Variants in SFXN1 observed in about 807,000 individuals in gnomAD.
SFXN1 encodes sideroflexin-1.
Under a neutral mutation model 39.5 loss-of-function variants are expected in SFXN1, and 32 were observed. The observed-to-expected ratio is 0.81, with a 90% confidence interval of 0.61 to 1.09. SFXN1 has a LOEUF of 1.09. SFXN1 is among the 50% of genes least tolerant of loss of function. SFXN1 has a pLI of 0.00. For synonymous variants in SFXN1, 136 were observed against 146.5 expected, an observed-to-expected ratio of 0.93 and a Z score of 0.52; for missense variants, 402 against 407.1, an observed-to-expected ratio of 0.99 and a Z score of 0.11.
At chr5:175,502,761 A>G (rs1760132519) in intron 2 of SFXN1, among the ~76,000 whole-genome samples, 1 of 152,154 alleles carries the variant, frequency 6.6e-6, no homozygotes, top group Non-Finnish European at 1.5e-5. Context: ...GAATCGCTTG[A>G]ACCCGGGAAG....
chr5:175,479,017 C>G (rs1581252521), intron 1 of SFXN1, among the ~76,000 whole-genome samples: 1 of 152,160 alleles, frequency 6.6e-6, no homozygotes, highest in East Asian at 1.9e-4. Context: ...TCGGGGGCAG[C>G]GGCAGCCAGG....
At chr5:175,513,296 T>TAA (rs55761424) in intron 6 of SFXN1, among the ~76,000 whole-genome samples, 167 bp from the exon 7 acceptor site, 9 of 65,274 alleles carry the variant, frequency 1.4e-4, no homozygotes, top group Admixed American at 1.8e-4. Flanking sequence ...AGTGAGACTG[T>TAA]AAAAAAAAAA....
intron 9 of SFXN1, 142 bp from the exon 10 acceptor site, chr5:175,522,233 C>A (rs1359416190): frequency 2.4e-6 from 2 of 843,662 alleles, no homozygotes; most frequent in African/African-American, 1.7e-5. Flanking sequence ...ATAAAACTTA[C>A]ACAAACAGGA....
intron 1 of SFXN1, among the ~76,000 whole-genome samples, chr5:175,487,062 C>G (rs1759475559): frequency 6.6e-6 from 1 of 152,138 alleles, no homozygotes; most frequent in African/African-American, 2.4e-5. Flanking sequence ...CATCACAGAT[C>G]ACCTAGGCCC....
chr5:175,498,529 G>A (rs1759952947), intron 2 of SFXN1, among the ~76,000 whole-genome samples: 1 of 152,072 alleles, frequency 6.6e-6, no homozygotes, highest in African/African-American at 2.4e-5. Flanking sequence ...CATTTTAAAA[G>A]TCTGAAATTA....
At chr5:175,524,639 GAAT>G (rs1363286654) in intron 10 of SFXN1, among the ~76,000 whole-genome samples, 5 of 145,144 alleles carry the variant, frequency 3.4e-5, no homozygotes, top group African/African-American at 5.0e-5. Flanking sequence ...AAGCACAAAA[GAAT>G]AAACATCAGA....
Position 175,526,651 on chromosome 5 carries a change from A to T in SFXN1, c.886A>T (p.Thr296Ser). The change falls in exon 11 of 11, where the codon ACA (threonine) becomes TCA (serine). Residue 296 changes from threonine to serine, a missense_variant. Coordinates refer to ENST00000321442, the MANE Select transcript of SFXN1 (RefSeq NM_022754.7). ...CCCTTATCCCAGTTCCATGTCTGTG[A>T]CAAGCTTGGAGGCCGAGTTGCAAGC... ...LFPQKSSMSV[T>S]SLEAELQAKI... 1 of 1,614,164 alleles carries T rather than the reference A, an allele frequency of 6.2e-7. No homozygotes were observed. Among genetic ancestry groups the T allele is most frequent in the Non-Finnish European group, 8.5e-7 (1 of 1,179,990 alleles).
chr5:175,501,493 T>C (rs1002117639), intron 2 of SFXN1, among the ~76,000 whole-genome samples: 1 of 152,170 alleles, frequency 6.6e-6, no homozygotes, highest in Non-Finnish European at 1.5e-5. Context: ...CAGAAGACAC[T>C]GTTTAGAAAA....
chr5:175,518,568 G>A (rs1434915375), intron 8 of SFXN1, among the ~76,000 whole-genome samples: 2 of 152,156 alleles, frequency 1.3e-5, no homozygotes, highest in African/African-American at 4.8e-5. Flanking sequence ...GAGCGCATAG[G>A]AGGTATCTTA....
At chr5:175,492,045 GTA>G in intron 1 of SFXN1, 48 bp from the exon 2 acceptor site, 1 of 1,413,608 alleles carries the variant, frequency 7.1e-7, no homozygotes, top group Non-Finnish European at 9.6e-7. Flanking sequence ...TTCTAAATAC[GTA>G]GTGACATTGT....
At position 175,529,553 on chromosome 5, in the gene SFXN1, G is replaced by T. The variant is rs2113379937; in HGVS notation, c.*2819G>T. The T allele has an allele frequency of 6.6e-6, 1 of 152,182 alleles. No individual in the cohort carries two copies. The highest frequency in any genetic ancestry group is 6.5e-5 in the Admixed American group (1 of 15,280). 9.4% of individuals were successfully genotyped at this position (152,182 alleles called of 1,614,324 possible). ...GGAGAAAAAAAAATCCACATGAAGT[G>T]CAATAAGCTTATAAAGCTAAGTAGT... On this transcript the variant is annotated 3_prime_UTR_variant, in exon 11 of 11. Coordinates refer to ENST00000321442, the MANE Select transcript of SFXN1 (RefSeq NM_022754.7).
At chr5:175,508,035 A>G (rs980272681) in intron 2 of SFXN1, among the ~76,000 whole-genome samples, 1 of 151,998 alleles carries the variant, frequency 6.6e-6, no homozygotes, top group Admixed American at 6.6e-5. Flanking sequence ...ATAAAAATGA[A>G]TTAATATCCT....
intron 10 of SFXN1, chr5:175,524,118 AAAAAAAAATATAT>A (rs1760969356): frequency 1.5e-5 from 1 of 66,592 alleles, no homozygotes; most frequent in African/African-American, 6.3e-5. Context: ...AAAAAAAAAA[AAAAAAAAATATAT>A]ATATATATAT....
intron 1 of SFXN1, among the ~76,000 whole-genome samples, chr5:175,483,187 T>C (rs1759321347): frequency 1.3e-5 from 2 of 152,226 alleles, no homozygotes; most frequent in African/African-American, 2.4e-5. Flanking sequence ...TTTCAACATA[T>C]ATCATCTCTA....
rs538704310 is a variant in SFXN1 at position 175,498,086 on chromosome 5, AATTAATGAGAAAATTAATTATTAATCTT to A, written c.164+5838_164+5865del. 2.2e-3 allele frequency among the ~76,000 whole-genome samples: 340 copies of A among 152,172 alleles called. 2 individuals are homozygous for A. Among genetic ancestry groups the A allele is most frequent in the African/African-American group, 7.8e-3 (324 of 41,538 alleles). On this transcript the variant is annotated intron_variant, in intron 2 of 10. Coordinates refer to ENST00000321442, the MANE Select transcript of SFXN1 (RefSeq NM_022754.7). ...AAATCACAAAGTAAAAACAATGAGA[AATTAATGAGAAAATTAATTATTAATCTT>A]ATTAATGAGAAAATTAATAAGAAAC...
intron 2 of SFXN1, among the ~76,000 whole-genome samples, chr5:175,498,081 TGA>T (rs1196024769): frequency 6.6e-6 from 1 of 151,156 alleles, no homozygotes; most frequent in African/African-American, 2.4e-5. Context: ...GTAAAAACAA[TGA>T]GAAATTAATG....
At chr5:175,517,856 C>G (rs1760760341) in intron 8 of SFXN1, among the ~76,000 whole-genome samples, 1 of 152,118 alleles carries the variant, frequency 6.6e-6, no homozygotes, top group South Asian at 2.1e-4. Context: ...CCTTGGTTGG[C>G]CTTCCGCTTG....
intron 9 of SFXN1, 105 bp from the exon 10 acceptor site, chr5:175,522,270 G>A (rs951242275): frequency 3.4e-6 from 4 of 1,171,408 alleles, no homozygotes; most frequent in Non-Finnish European, 4.8e-6. Context: ...AACACAGAAC[G>A]TAATGCTCTG....
Position 175,526,671 on chromosome 5 carries a change from G to A in SFXN1, c.906G>A (p.Leu302=). The A allele has an allele frequency of 1.9e-6, 3 of 1,614,200 alleles. No individual in the cohort carries two copies. Among genetic ancestry groups the A allele is most frequent in the Non-Finnish European group, 2.5e-6 (3 of 1,180,030 alleles). ...CTGTGACAAGCTTGGAGGCCGAGTT[G>A]CAAGCTAAGATCCAAGAGAGCCATC... ...SMSVTSLEAE[L]QAKIQESHPE... is the part of the protein sequence containing the mutation. The change falls in exon 11 of 11, where the codon TTG becomes TTA. Residue 302 remains leucine (L), a synonymous_variant. Coordinates refer to ENST00000321442, the MANE Select transcript of SFXN1 (RefSeq NM_022754.7).
Sources: gnomAD v4.1 joint callset for allele counts (sites outside exome capture counted in the v4.1 genomes callset) on GRCh38, gnomAD v4.1.1 for gene constraint, MANE v1.5 for transcripts, NCBI Gene and HGNC (gene_info 2026-07-23, HGNC 2026-07-21) for gene names.